SYN3: variants seen among roughly 807,000 people sequenced by gnomAD.
The protein encoded by SYN3 is synapsin III, also known as synapsin-3.
SYN3 carries 35 observed loss-of-function variants against 65.8 expected under a neutral mutation model. The observed-to-expected ratio is 0.53, with a 90% CI of 0.41 to 0.70. The LOEUF is 0.70. Ranked by LOEUF, SYN3 falls within the 30% of genes least tolerant of loss-of-function variation. The probability of loss-of-function intolerance (pLI) is 0.00; values close to 1 mark genes in which losing one functional copy is unlikely to be tolerated. For missense variants in SYN3, 680 were observed against 749.0 expected (o/e 0.91, Z 1.08); for synonymous variants, 270 against 292.9 (o/e 0.92, Z 0.80).
At position 32,829,444 on chromosome 22, in the gene SYN3, G is replaced by A. The variant is rs117417826; in HGVS notation, c.711+35471C>T. The stretch of plus-strand genomic sequence containing the variant: ...GAGGGGGTGGGGTCCCCGGGCCTTC[G>A]GCATTTCATTTGCACCCACATGTAG... On this transcript the variant is annotated intron_variant, in intron 6 of 13. Coordinates refer to ENST00000358763, the MANE Select transcript of SYN3 (RefSeq NM_003490.4). Among the ~76,000 whole-genome samples, 256 of 152,184 alleles carry A rather than the reference G, an allele frequency of 1.7e-3. 1 individual carries two copies. Among genetic ancestry groups the A allele is most frequent in the Admixed American group, 7.3e-3 (112 of 15,294 alleles).
At chr22:32,875,348 C>A (rs1254504032) in intron 4 of SYN3, among the ~76,000 whole-genome samples, 1 of 152,178 alleles carries the variant, frequency 6.6e-6, no homozygotes, top group African/African-American at 2.4e-5. Flanking sequence ...AGGAAGGAAG[C>A]TTCCTTGTCT....
In SYN3 at chr22:32,508,731, C is replaced by G. The variant is rs973359065; in HGVS notation, c.*4961G>C. On this transcript the variant is annotated 3_prime_UTR_variant, in exon 14 of 14. Coordinates refer to ENST00000358763, the MANE Select transcript of SYN3 (RefSeq NM_003490.4). ...ACATCTTTTTACTTCAATCTTAATA[C>G]TTTTGTTTGGATTTTATTTCATAGT... is the stretch of plus-strand genomic sequence containing the variant. Among the ~76,000 whole-genome samples, 2 of 152,116 alleles carry G rather than the reference C, an allele frequency of 1.3e-5. No individual in the cohort carries two copies. The highest frequency in any genetic ancestry group is 4.8e-5 in the African/African-American group (2 of 41,404).
intron 4 of SYN3, among the ~76,000 whole-genome samples, chr22:32,896,903 C>A (rs2146504518): frequency 6.6e-6 from 1 of 152,304 alleles, no homozygotes; most frequent in East Asian, 1.9e-4. Flanking sequence ...GCAAGACATT[C>A]ACCAAGTGGT....
intron 3 of SYN3, among the ~76,000 whole-genome samples, chr22:32,960,713 G>A (rs1352522566): frequency 1.3e-5 from 2 of 152,170 alleles, no homozygotes; most frequent in African/African-American, 4.8e-5. Flanking sequence ...GGGTTGCCGG[G>A]TACAAAGCCT....
At chr22:32,720,032 A>C (rs2061094743) in intron 6 of SYN3, among the ~76,000 whole-genome samples, 1 of 152,216 alleles carries the variant, frequency 6.6e-6, no homozygotes, top group South Asian at 2.1e-4. Context: ...AGAAGCTACA[A>C]ACTTTGAAGA....
In SYN3 at chr22:32,565,027, G is replaced by A. The variant is rs1292424424; in HGVS notation, c.775-23314C>T. Among the ~76,000 whole-genome samples, 347 of 111,058 alleles carry A rather than the reference G, an allele frequency of 3.1e-3. 4 individuals are homozygous for A. Among genetic ancestry groups the A allele is most frequent in the African/African-American group, 0.013 (335 of 25,230 alleles). The allele number at this position is 111,058 out of a possible 152,430, so 72.9% of individuals were successfully genotyped here. ...CGGACTGCACCCAAACAGTGCTCCC[G>A]GACTGCACCCAAACAGTGATCTCAG... On this transcript the variant is annotated intron_variant, in intron 7 of 13. Coordinates refer to ENST00000358763, the MANE Select transcript of SYN3 (RefSeq NM_003490.4).
chr22:32,673,728 C>T (rs746180531), intron 6 of SYN3, among the ~76,000 whole-genome samples: 58 of 152,118 alleles, frequency 3.8e-4, no homozygotes, highest in Non-Finnish European at 5.1e-4. Context: ...AGGATTTGTA[C>T]GTGCAAAGGC....
chr22:32,626,754 T>A (rs2059671763), intron 6 of SYN3, among the ~76,000 whole-genome samples: 1 of 152,226 alleles, frequency 6.6e-6, no homozygotes, highest in African/African-American at 2.4e-5. Flanking sequence ...TGGAGGACAC[T>A]GGGTGCCCCG....
chr22:32,631,884 T>C (rs2059751976), intron 6 of SYN3, among the ~76,000 whole-genome samples: 1 of 152,186 alleles, frequency 6.6e-6, no homozygotes, highest in Non-Finnish European at 1.5e-5. Flanking sequence ...AAAGCCTGCA[T>C]TGCCCAAGCC....
chr22:32,637,775 T>G (rs2059839505), intron 6 of SYN3, among the ~76,000 whole-genome samples: 1 of 151,812 alleles, frequency 6.6e-6, no homozygotes, highest in Non-Finnish European at 1.5e-5. Flanking sequence ...GTAGCTGGGA[T>G]TACAGGCATG....
At chr22:32,772,953 C>T (rs73156486) in intron 6 of SYN3, among the ~76,000 whole-genome samples, 14,856 of 152,220 alleles carry the variant, frequency 0.098, 897 homozygotes, top group Admixed American at 0.15. Context: ...ACAGCAGCCA[C>T]AAGAAACTAG....
At chr22:32,858,160 G>T in intron 6 of SYN3, 1 of 1,611,326 alleles carries the variant, frequency 6.2e-7, no homozygotes. Context: ...GGTCACTGGG[G>T]GAAGGAGGGG....
chr22:32,558,994 G>A (rs1428439711), intron 7 of SYN3, among the ~76,000 whole-genome samples: 1 of 152,216 alleles, frequency 6.6e-6, no homozygotes, highest in Non-Finnish European at 1.5e-5. Context: ...CAAAAATGAT[G>A]GACAGTGACA....
chr22:32,815,755 C>A (rs2047072951), intron 6 of SYN3, among the ~76,000 whole-genome samples: 1 of 152,160 alleles, frequency 6.6e-6, no homozygotes, highest in South Asian at 2.1e-4. Flanking sequence ...GACTAGGTAA[C>A]TTACCTAGTA....
intron 6 of SYN3, among the ~76,000 whole-genome samples, chr22:32,609,211 T>C (rs182552017): frequency 2.0e-5 from 3 of 151,758 alleles, no homozygotes; most frequent in Admixed American, 1.3e-4. Flanking sequence ...GTAGTCCCAG[T>C]TACTCGGGAG....
At chr22:32,569,995 C>T (rs1974256158) in intron 7 of SYN3, among the ~76,000 whole-genome samples, 1 of 152,170 alleles carries the variant, frequency 6.6e-6, no homozygotes, top group Non-Finnish European at 1.5e-5. Context: ...GCCCCGATGG[C>T]TTACGTTTTC....
intron 4 of SYN3, among the ~76,000 whole-genome samples, chr22:32,880,254 T>A (rs2146410754): frequency 6.6e-6 from 1 of 152,292 alleles, no homozygotes; most frequent in Non-Finnish European, 1.5e-5. Context: ...AGTAGCTACT[T>A]CTCTTGGGCT....
In SYN3 at chr22:32,894,278, G is replaced by A. The variant is rs541655822; in HGVS notation, c.462-25153C>T. On this transcript the variant is annotated intron_variant, in intron 4 of 13. Coordinates refer to ENST00000358763, the MANE Select transcript of SYN3 (RefSeq NM_003490.4). ...TTCTCTTTTACATATTATAGAAGAA[G>A]AAAACAGTCAAGGGTCCTAATTCTG... Among the ~76,000 whole-genome samples, 21 of 152,304 alleles carry A rather than the reference G, an allele frequency of 1.4e-4. No individual in the cohort carries two copies. The South Asian group carries it at 3.7e-3, about 27-fold the overall frequency.
At chr22:32,751,158 G>A (rs1555947864) in intron 6 of SYN3, among the ~76,000 whole-genome samples, 1 of 152,110 alleles carries the variant, frequency 6.6e-6, no homozygotes, top group South Asian at 2.1e-4. Context: ...CAGGAGGGAC[G>A]CTGGTGAGTG....
Sources: allele counts gnomAD v4.1 joint callset (sites outside exome capture counted in the v4.1 genomes callset), GRCh38; gene constraint gnomAD v4.1.1; transcripts MANE v1.5; gene names NCBI Gene and HGNC (gene_info 2026-07-23, HGNC 2026-07-21).